The following NCOR2 variants were observed in gnomAD, a reference collection of about 807,000 sequenced individuals.
NCOR2 encodes CTG repeat protein 26.
Under a neutral mutation model 262.9 loss-of-function variants are expected in NCOR2, and 81 were observed. The ratio of observed to expected loss-of-function variants is 0.31; its 90% CI spans 0.26 to 0.37. NCOR2 has a LOEUF of 0.37. Ranked by LOEUF, NCOR2 falls within the 10% of genes least tolerant of loss-of-function variation. The probability of loss-of-function intolerance (pLI) is 1.00; values close to 1 mark genes in which losing one functional copy is unlikely to be tolerated. For missense variants in NCOR2, 3,385 were observed against 3,621.4 expected (o/e 0.93, Z 1.68); for synonymous variants, 1,659 against 1,559.3 (o/e 1.06, Z -1.51).
At position 124,504,922 on chromosome 12, in the gene NCOR2, G is replaced by A. The variant is rs1398626265; in HGVS notation, c.-117-9554C>T. On this transcript the variant is annotated intron_variant, in intron 1 of 46. Transcript: ENST00000404621. The surrounding 1 kb of genome is among the most constrained non-coding windows in gnomAD (Gnocchi z 4.5). Reference sequence around the variant, plus strand: ...TAATGGGTTTGGGGTTTCCTTCTGGGAGGATGAAACTGTTTTGGAATTAGA... The same window carrying A: ...TAATGGGTTTGGGGTTTCCTTCTGGAAGGATGAAACTGTTTTGGAATTAGA... Among the ~76,000 whole-genome samples the A allele has an allele frequency of 6.6e-6, 1 of 152,238 alleles. No individual in the cohort carries two copies. The highest frequency in any genetic ancestry group is 1.5e-5 in the Non-Finnish European group (1 of 68,040).
intron 18 of NCOR2, among the ~76,000 whole-genome samples, chr12:124,375,522 G>A (rs963168140): frequency 6.6e-6 from 1 of 152,300 alleles, no homozygotes; most frequent in Non-Finnish European, 1.5e-5. Context: ...CGCTGCCCTA[G>A]AATCCAGGTG....
intron 22 of NCOR2, among the ~76,000 whole-genome samples, chr12:124,357,868 G>C (rs1040314151): frequency 1.4e-4 from 21 of 148,008 alleles, no homozygotes; most frequent in African/African-American, 5.3e-4. Flanking sequence ...GTGTGTGTGC[G>C]CCTGTACACA....
intron 20 of NCOR2, among the ~76,000 whole-genome samples, chr12:124,366,164 A>G (rs1327580399): frequency 1.3e-5 from 2 of 152,192 alleles, no homozygotes; most frequent in Non-Finnish European, 2.9e-5. Context: ...CGCCCAGCGC[A>G]CAACAGCCAG....
Position 124,483,568 on chromosome 12 carries a change from G to A in NCOR2, c.411+28C>T. 1 of 1,535,758 alleles carries A rather than the reference G, an allele frequency of 6.5e-7. No individual in the cohort carries two copies. The highest frequency in any genetic ancestry group is 8.8e-7 in the Non-Finnish European group (1 of 1,141,648). ...AGCAGCAGAACCTCAAGCGGGAGAG[G>A]AGCTCCCAGCTGGGGGCCCAGGCTT... On this transcript the variant is annotated intron_variant, in intron 3 of 46. Coordinates refer to ENST00000405201, the Ensembl canonical transcript of NCOR2. The surrounding 1 kb of genome is among the most constrained non-coding windows in gnomAD (Gnocchi z 6.3).
chr12:124,330,741 C>CTCCT, intron 44 of NCOR2, 104 bp downstream of exon 46: 1 of 1,298,890 alleles, frequency 7.7e-7, no homozygotes, highest in South Asian at 1.3e-5. Context: ...GGGGGTACAC[C>CTCCT]CAGACTAGCG....
chr12:124,452,480 G>A lies in NCOR2; in HGVS notation c.763-2613C>T, dbSNP rs542665279. On this transcript the variant is annotated intron_variant, in intron 6 of 46. Transcript: ENST00000405201. ...CACTCCAGCCTCGGTTTCCTCATCT[G>A]GAATATGGGTGTAGGTCAAAGAGGA... is the stretch of plus-strand genomic sequence containing the variant. 7.2e-5 allele frequency among the ~76,000 whole-genome samples: 11 copies of A among 152,368 alleles called. No homozygotes were observed. In the South Asian group the frequency reaches 2.3e-3, roughly 32 times the overall value.
At chr12:124,422,458 C>A (rs1233318352) in intron 12 of NCOR2, 43 bp downstream of exon 14, 4 of 1,611,970 alleles carry the variant, frequency 2.5e-6, no homozygotes, top group Non-Finnish European at 3.4e-6. Context: ...CAGTTGCCCA[C>A]GGAGGTGGAG....
In NCOR2 at chr12:124,354,076, C is replaced by T. The variant is rs2037744375; in HGVS notation, c.3693+17G>A. On this transcript the variant is annotated intron_variant, in intron 27 of 46. Transcript: ENST00000405201. ...CTGGTCCCAACCGTCCTTCCTGCCG[C>T]ACCCCAGGACACCTACGTGGGTGAT... The T allele has an allele frequency of 1.9e-6, 3 of 1,602,610 alleles. No individual in the cohort carries two copies. In the East Asian group the frequency reaches 6.7e-5, roughly 36 times the overall value.
exon 47 of NCOR2, chr12:124,325,379 C>CCCCCCG: frequency 3.2e-6 from 1 of 317,188 alleles, no homozygotes; most frequent in Non-Finnish European, 5.1e-6. Context: ...CTGACACCGC[C>CCCCCCG]CCCCCCCCCG....
intron 16 of NCOR2, among the ~76,000 whole-genome samples, chr12:124,395,800 C>G (rs780196266): frequency 6.6e-6 from 1 of 152,042 alleles, no homozygotes. Flanking sequence ...GGGATGTCCA[C>G]GCGGAGTCCT....
intron 1 of NCOR2, among the ~76,000 whole-genome samples, chr12:124,560,390 A>C (rs1566061127): frequency 6.6e-6 from 1 of 152,262 alleles, no homozygotes; most frequent in African/African-American, 2.4e-5. Context: ...ATATGATTTC[A>C]CATGTCATAA....
At chr12:124,493,857 G>A (rs1046907711) in intron 1 of NCOR2, among the ~76,000 whole-genome samples, 4 of 152,190 alleles carry the variant, frequency 2.6e-5, no homozygotes, top group African/African-American at 7.2e-5. Flanking sequence ...TGCTGTGGCA[G>A]CCTCCCCACT....
At chr12:124,411,517 T>C (rs1565918653) in intron 13 of NCOR2, among the ~76,000 whole-genome samples, 1 of 152,192 alleles carries the variant, frequency 6.6e-6, no homozygotes, top group Non-Finnish European at 1.5e-5. Context: ...CTTGGCCACA[T>C]GAACCCCCAT....
rs560846783 is a variant in NCOR2, at chr12:124,486,298, G to A, written c.233+143C>T. The A allele has an allele frequency of 1.2e-5, 16 of 1,312,510 alleles. No homozygotes were observed. The highest frequency in any genetic ancestry group is 8.4e-5 in the South Asian group (6 of 71,848). 81.3% of individuals were successfully genotyped at this position (1,312,510 alleles called of 1,614,324 possible). ...CATCCTCACCCCGAGTCACGCCCAC[G>A]CCAGGTCAAGGGTGAACACACGGCC... On this transcript the variant is annotated intron_variant, in intron 2 of 46. Transcript: ENST00000405201.
intron 1 of NCOR2, among the ~76,000 whole-genome samples, chr12:124,553,748 T>C (rs1270535388): frequency 6.6e-6 from 1 of 152,248 alleles, no homozygotes; most frequent in Non-Finnish European, 1.5e-5. Context: ...GCCCATGCTC[T>C]AGTAAGATCC....
At chr12:124,410,267 C>T (rs1403945005) in intron 13 of NCOR2, among the ~76,000 whole-genome samples, 1 of 149,522 alleles carries the variant, frequency 6.7e-6, no homozygotes, top group African/African-American at 2.5e-5. Flanking sequence ...TGCGATCGCC[C>T]CTGCACTGCA....
chr12:124,487,659 T>C (rs1349702043), intron 1 of NCOR2, among the ~76,000 whole-genome samples: 1 of 152,234 alleles, frequency 6.6e-6, no homozygotes, highest in East Asian at 1.9e-4. Flanking sequence ...GTCTTGGCCG[T>C]ATTTGGCGCT....
intron 16 of NCOR2, among the ~76,000 whole-genome samples, chr12:124,390,481 C>CCCG (rs1326470744): frequency 2.0e-4 from 31 of 151,778 alleles, no homozygotes; most frequent in African/African-American, 6.1e-4. Flanking sequence ...CAAAGTGACC[C>CCCG]CCCCCCGTCG....
At chr12:124,429,805 G>T in intron 9 of NCOR2, 99 bp from the exon 12 acceptor site, 1 of 1,177,826 alleles carries the variant, frequency 8.5e-7, no homozygotes, top group Non-Finnish European at 1.2e-6. Flanking sequence ...CTCCCCAGAG[G>T]AGAAGTGTGG....
Sources: allele counts gnomAD v4.1 joint callset (sites outside exome capture counted in the v4.1 genomes callset), GRCh38; gene constraint gnomAD v4.1.1; non-coding constraint Gnocchi (gnomAD v3.1); transcripts MANE v1.5; gene names NCBI Gene and HGNC (gene_info 2026-07-23, HGNC 2026-07-21).